ST7: variants seen among roughly 807,000 people sequenced by gnomAD.
ST7 encodes suppressor of tumorigenicity 7 protein.
A neutral mutation model predicts 78.7 loss-of-function variants in ST7; 28 were observed. That is an observed-to-expected ratio of 0.36 (90% CI 0.26 to 0.49). ST7 has a LOEUF of 0.49. ST7 is among the 20% of genes least tolerant of loss of function. The pLI is 0.99. For synonymous variants in ST7, 247 were observed against 249.6 expected (o/e 0.99, Z 0.10); for missense variants, 418 against 696.0 (o/e 0.60, Z 4.49).
chr7:117,129,404 T>C (rs1415164111), intron 3 of ST7, among the ~76,000 whole-genome samples: 2 of 151,966 alleles, frequency 1.3e-5, no homozygotes, highest in African/African-American at 2.4e-5. Flanking sequence ...ATGTACAACG[T>C]TATTATGAGG....
chr7:117,041,931 G>A (rs1457194661), intron 1 of ST7, among the ~76,000 whole-genome samples: 1 of 152,192 alleles, frequency 6.6e-6, no homozygotes, highest in Non-Finnish European at 1.5e-5. Context: ...GTCCTTAAAT[G>A]TCGAAGAGGA....
At chr7:117,106,616 CTTTTTTTTT>C (rs758855564) in intron 2 of ST7, among the ~76,000 whole-genome samples, 1 of 107,726 alleles carries the variant, frequency 9.3e-6, no homozygotes. Flanking sequence ...TTGTATCATT[CTTTTTTTTT>C]TTTTTTTTTT....
At chr7:117,042,036 G>A (rs1287234010) in intron 1 of ST7, among the ~76,000 whole-genome samples, 2 of 152,206 alleles carry the variant, frequency 1.3e-5, no homozygotes, top group Non-Finnish European at 2.9e-5. Flanking sequence ...GCCAAGGAAT[G>A]TGGATGACCT....
chr7:117,015,419 G>A (rs1224316935), intron 1 of ST7, among the ~76,000 whole-genome samples: 1 of 152,190 alleles, frequency 6.6e-6, no homozygotes, highest in Non-Finnish European at 1.5e-5. Flanking sequence ...TTGTGCTTGT[G>A]TATTGCTCTT....
intron 11 of ST7, among the ~76,000 whole-genome samples, chr7:117,189,742 C>T (rs1176838555): frequency 6.6e-6 from 1 of 152,170 alleles, no homozygotes; most frequent in African/African-American, 2.4e-5. Flanking sequence ...CTTCAGCGGT[C>T]CATAACTGGG....
chr7:117,028,105 G>A (rs1796300640), intron 1 of ST7, among the ~76,000 whole-genome samples: 1 of 152,106 alleles, frequency 6.6e-6, no homozygotes, highest in South Asian at 2.1e-4. Context: ...AATAGCATAT[G>A]GACTTTTATT....
At position 116,997,841 on chromosome 7, in the gene ST7, A is replaced by G. The variant is rs1794737150; in HGVS notation, c.151+44150A>G. On this transcript the variant is annotated intron_variant, in intron 1 of 15. Coordinates refer to ENST00000323984, the MANE Select transcript of ST7 (RefSeq NM_001369598.1). ...GTTACATTTACAAACCTTGAGCTAG[A>G]TACAGAGTGCTGATTGGTGTATCTA... 2.0e-5 allele frequency among the ~76,000 whole-genome samples: 3 copies of G among 152,244 alleles called. No homozygotes were observed. The South Asian group carries it at 6.2e-4, about 31-fold the overall frequency.
chr7:117,183,793 C>T (rs1481233842), intron 10 of ST7, among the ~76,000 whole-genome samples: 1 of 152,198 alleles, frequency 6.6e-6, no homozygotes, highest in Admixed American at 6.5e-5. Context: ...CTTACGCTTA[C>T]ACAAAAATGA....
At chr7:117,076,097 T>A (rs188122100) in intron 1 of ST7, among the ~76,000 whole-genome samples, 101 of 152,314 alleles carry the variant, frequency 6.6e-4, no homozygotes, top group African/African-American at 1.6e-3. Context: ...GGAGATGGAT[T>A]TGAGACTGAA....
intron 1 of ST7, among the ~76,000 whole-genome samples, chr7:117,007,187 G>C (rs564106795): frequency 3.9e-5 from 6 of 152,192 alleles, no homozygotes; most frequent in Non-Finnish European, 8.8e-5. Flanking sequence ...TCTTGTGCCA[G>C]TTAGCCAAGA....
chr7:116,969,187 C>A (rs1585061375), intron 1 of ST7, among the ~76,000 whole-genome samples: 1 of 152,206 alleles, frequency 6.6e-6, no homozygotes, highest in East Asian at 1.9e-4. Flanking sequence ...AGTATCATAT[C>A]TCCCTACAAT....
At chr7:117,157,016 T>C (rs532132707) in intron 9 of ST7, among the ~76,000 whole-genome samples, 1 of 152,296 alleles carries the variant, frequency 6.6e-6, no homozygotes, top group East Asian at 1.9e-4. Context: ...GATGGGATGT[T>C]CACATAGACT....
intron 1 of ST7, among the ~76,000 whole-genome samples, chr7:116,962,359 G>A (rs1341741546): frequency 3.3e-5 from 5 of 152,232 alleles, no homozygotes; most frequent in African/African-American, 9.6e-5. Flanking sequence ...TTGAGGAATC[G>A]CCACACTGTC....
intron 13 of ST7, among the ~76,000 whole-genome samples, chr7:117,215,761 G>T (rs1792644688): frequency 6.6e-6 from 1 of 152,180 alleles, no homozygotes; most frequent in Non-Finnish European, 1.5e-5. Flanking sequence ...ATTGGATCCT[G>T]CTTCTGGCAC....
intron 10 of ST7, among the ~76,000 whole-genome samples, chr7:117,179,004 C>T (rs1280789239): frequency 6.6e-6 from 1 of 152,122 alleles, no homozygotes; most frequent in Non-Finnish European, 1.5e-5. Flanking sequence ...TTTCTTCAAC[C>T]TTGTTTCAGT....
chr7:116,997,487 G>A (rs1057423352), intron 1 of ST7, among the ~76,000 whole-genome samples: 5 of 152,166 alleles, frequency 3.3e-5, no homozygotes, highest in African/African-American at 4.8e-5. Context: ...TAGACACAGA[G>A]CACTGATTGG....
chr7:117,101,903 A>G (rs1801592033), intron 2 of ST7, among the ~76,000 whole-genome samples: 1 of 152,330 alleles, frequency 6.6e-6, no homozygotes, highest in Non-Finnish European at 1.5e-5. Context: ...GTTGAGGTGA[A>G]GCATATTAAA....
chr7:117,042,210 A>G (rs1201523552), intron 1 of ST7, among the ~76,000 whole-genome samples: 1 of 152,186 alleles, frequency 6.6e-6, no homozygotes, highest in Non-Finnish European at 1.5e-5. Flanking sequence ...CTTTAGATCA[A>G]TTACTTTCTT....
chr7:116,974,382 G>C (rs1793594197), intron 1 of ST7, among the ~76,000 whole-genome samples: 1 of 151,604 alleles, frequency 6.6e-6, no homozygotes, highest in Admixed American at 6.6e-5. Flanking sequence ...CCGCCTCCTG[G>C]GTTCACGACA....
Sources: gnomAD v4.1 joint callset for allele counts (sites outside exome capture counted in the v4.1 genomes callset) on GRCh38, gnomAD v4.1.1 for gene constraint, MANE v1.5 for transcripts, NCBI Gene and HGNC (gene_info 2026-07-23, HGNC 2026-07-21) for gene names.